MALRD1: variants seen among roughly 807,000 people sequenced by gnomAD.
The protein encoded by MALRD1 is MAM and LDL receptor class A domain containing 1, also known as MAM and LDL-receptor class A domain-containing protein 1.
Under a neutral mutation model 242.1 loss-of-function variants are expected in MALRD1, and 247 were observed. The observed-to-expected ratio is 1.02, with a 90% CI of 0.92 to 1.13. The LOEUF (loss-of-function observed/expected upper bound fraction) is 1.13, where lower values mean the gene tolerates loss of function less well. Ranked by LOEUF, MALRD1 falls within the 50% of genes most tolerant of loss-of-function variation. MALRD1 has a pLI of 0.00. For missense variants in MALRD1, 2,989 were observed against 2,533.1 expected, an observed-to-expected ratio of 1.18 and a Z score of -3.86; for synonymous variants, 995 against 866.6, an observed-to-expected ratio of 1.15 and a Z score of -2.60.
intron 1 of MALRD1, among the ~76,000 whole-genome samples, chr10:19,057,313 G>GA (rs1243739772): frequency 1.5e-4 from 23 of 152,164 alleles, no homozygotes; most frequent in African/African-American, 5.3e-4. Context: ...GGTGCCAGCA[G>GA]ATTCAGTGTC....
intron 28 of MALRD1, among the ~76,000 whole-genome samples, chr10:19,409,120 T>C (rs575719838): frequency 2.0e-5 from 3 of 152,274 alleles, no homozygotes; most frequent in East Asian, 1.9e-4. Context: ...TAAATTGTGG[T>C]ACATCCATAC....
chr10:19,168,908 G>A (rs1267284950), intron 13 of MALRD1, among the ~76,000 whole-genome samples: 1 of 151,950 alleles, frequency 6.6e-6, no homozygotes, highest in African/African-American at 2.4e-5. Flanking sequence ...CACTTAATCT[G>A]CCTATGAGTT....
intron 19 of MALRD1, among the ~76,000 whole-genome samples, chr10:19,276,842 A>C (rs1464878149): frequency 1.4e-5 from 2 of 147,744 alleles, no homozygotes; most frequent in African/African-American, 2.5e-5. Context: ...TGGTGTTGTC[A>C]TTGGCTTTCT....
chr10:19,068,700 T>C (rs769493475), intron 2 of MALRD1, among the ~76,000 whole-genome samples: 1 of 152,154 alleles, frequency 6.6e-6, no homozygotes, highest in Non-Finnish European at 1.5e-5. Context: ...ATATTAGCTG[T>C]TGGAACATAT....
At chr10:19,287,653 G>A (rs1030318270) in intron 21 of MALRD1, among the ~76,000 whole-genome samples, 1 of 151,994 alleles carries the variant, frequency 6.6e-6, no homozygotes, top group Non-Finnish European at 1.5e-5. Flanking sequence ...TTGATATTTG[G>A]TAATGGTGCT....
intron 29 of MALRD1, among the ~76,000 whole-genome samples, chr10:19,458,623 T>G (rs1835782230): frequency 6.6e-6 from 1 of 152,174 alleles, no homozygotes; most frequent in Non-Finnish European, 1.5e-5. Context: ...TGTTTCCCTT[T>G]TAGTTAAACG....
At chr10:19,480,657 T>C (rs1348756862) in intron 29 of MALRD1, among the ~76,000 whole-genome samples, 1 of 152,240 alleles carries the variant, frequency 6.6e-6, no homozygotes, top group Non-Finnish European at 1.5e-5. Flanking sequence ...TAGAAATTGC[T>C]AAGAGGCAAG....
Position 19,280,215 on chromosome 10 carries a change from C to A in MALRD1, c.3248C>A (p.Ala1083Glu). ...KYDCPDKSDE[A>E]SCVMEVCSFE... Reference sequence around the variant, plus strand: ...GACTGCCCTGACAAATCAGATGAAGCATCCTGTGGTAGGTGGATTCTTAAA... The same window carrying A: ...GACTGCCCTGACAAATCAGATGAAGAATCCTGTGGTAGGTGGATTCTTAAA... The change falls in exon 20 of 40, where the codon GCA (alanine) becomes GAA (glutamate). Residue 1083 changes from alanine to glutamate, a missense_variant. Physicochemically the swap from Ala to Glu is moderately radical, Grantham distance 107 (BLOSUM62 -1). Transcript: ENST00000454679. 6.7e-7 allele frequency: 1 copy of A among 1,501,288 alleles called. No homozygotes were observed. The highest frequency in any genetic ancestry group is 8.9e-7 in the Non-Finnish European group (1 of 1,128,160). 93.0% of individuals were successfully genotyped at this position (1,501,288 alleles called of 1,614,324 possible). A position where few individuals can be genotyped will look rare whatever the true frequency, so the allele number is the denominator to read the frequency against.
chr10:19,552,154 T>C (rs1287265788), intron 32 of MALRD1, among the ~76,000 whole-genome samples: 2 of 152,168 alleles, frequency 1.3e-5, no homozygotes, highest in Non-Finnish European at 2.9e-5. Context: ...TTGTATAGTT[T>C]CTCTAGGAAT....
At chr10:19,260,387 TG>T (rs1261757218) in intron 19 of MALRD1, among the ~76,000 whole-genome samples, 9 of 152,240 alleles carry the variant, frequency 5.9e-5, no homozygotes, top group African/African-American at 2.2e-4. Flanking sequence ...TCTGAGACCA[TG>T]GCTAAAAGAC....
Position 19,352,186 on chromosome 10 carries a change from G to T in MALRD1, c.4330G>T (p.Val1444Phe). 1 of 1,550,532 alleles carries T rather than the reference G, an allele frequency of 6.4e-7. No individual in the cohort carries two copies. Among genetic ancestry groups the T allele is most frequent in the Non-Finnish European group, 8.7e-7 (1 of 1,146,930 alleles). ...EDFQLKFEGR[V>F]GKGQRGDIAL... ...CTTCCAACTCAAATTTGAAGGTAGAGTTGGGAAAGGTCAGCGTGGAGACAT... is the reference window on the plus strand; with the variant it reads ...CTTCCAACTCAAATTTGAAGGTAGATTTGGGAAAGGTCAGCGTGGAGACAT... Residue 1444 changes from valine (V) to phenylalanine (F), a missense_variant, in exon 26 of 40, where the codon GTT becomes TTT. Coordinates refer to ENST00000454679, the MANE Select transcript of MALRD1 (RefSeq NM_001142308.3).
chr10:19,478,007 C>A (rs1836821554), intron 29 of MALRD1, among the ~76,000 whole-genome samples: 1 of 152,134 alleles, frequency 6.6e-6, no homozygotes, highest in Admixed American at 6.5e-5. Context: ...TTCTAGTTTC[C>A]CTTTCTGTGT....
intron 33 of MALRD1, among the ~76,000 whole-genome samples, chr10:19,578,861 A>G (rs1160848083): frequency 6.6e-6 from 1 of 152,020 alleles, no homozygotes; most frequent in East Asian, 1.9e-4. Context: ...CCATATATAC[A>G]TCTTTTAGCT....
At chr10:19,440,473 TC>T (rs1168696082) in intron 28 of MALRD1, among the ~76,000 whole-genome samples, 1 of 152,094 alleles carries the variant, frequency 6.6e-6, no homozygotes, top group African/African-American at 2.4e-5. Context: ...TAGGTATTTC[TC>T]CTAATACTAT....
chr10:19,633,453 T>C (rs1333056703), intron 36 of MALRD1, among the ~76,000 whole-genome samples: 2 of 152,276 alleles, frequency 1.3e-5, no homozygotes, highest in East Asian at 3.9e-4. Flanking sequence ...TGGCCCATCA[T>C]GTCAAAGCAG....
chr10:19,247,840 A>G (rs1208621065), intron 18 of MALRD1, among the ~76,000 whole-genome samples: 1 of 152,028 alleles, frequency 6.6e-6, no homozygotes, highest in Admixed American at 6.6e-5. Flanking sequence ...TAAAAACTTA[A>G]CCGACGTTAA....
At chr10:19,547,728 A>G (rs1281806308) in intron 32 of MALRD1, among the ~76,000 whole-genome samples, 1 of 133,356 alleles carries the variant, frequency 7.5e-6, no homozygotes, top group Non-Finnish European at 1.6e-5. Flanking sequence ...CAGATCTATC[A>G]GGGAGCTACA....
chr10:19,636,393 A>T (rs991212308), intron 36 of MALRD1, among the ~76,000 whole-genome samples: 12 of 152,210 alleles, frequency 7.9e-5, no homozygotes, highest in Non-Finnish European at 1.3e-4. Flanking sequence ...GAACATGAAG[A>T]TAAACAAAAC....
chr10:19,648,495 C>T (rs1323657312), intron 36 of MALRD1, among the ~76,000 whole-genome samples: 9 of 152,162 alleles, frequency 5.9e-5, no homozygotes, highest in Non-Finnish European at 8.8e-5. Flanking sequence ...TAAAACCATG[C>T]TTTCACAAGT....
Sources: allele counts gnomAD v4.1 joint callset (sites outside exome capture counted in the v4.1 genomes callset), GRCh38; gene constraint gnomAD v4.1.1; transcripts MANE v1.5; gene names NCBI Gene and HGNC (gene_info 2026-07-23, HGNC 2026-07-21).